CEP104: variants seen among roughly 807,000 people sequenced by gnomAD.
CEP104 encodes the protein centrosomal protein of 104 kDa.
A neutral mutation model predicts 113.3 loss-of-function variants in CEP104; 84 were observed. The ratio of observed to expected loss-of-function variants is 0.74; its 90% CI spans 0.62 to 0.89. The LOEUF (loss-of-function observed/expected upper bound fraction) is 0.89, where lower values mean the gene tolerates loss of function less well. Ranked by LOEUF, CEP104 falls within the 40% of genes least tolerant of loss-of-function variation. The pLI is 0.00. For synonymous variants in CEP104, 378 were observed against 421.7 expected (o/e 0.90, Z 1.27); for missense variants, 1,053 against 1,156.6 (o/e 0.91, Z 1.30).
At chr1:3,844,358 A>G (rs2124685289) in intron 6 of CEP104, among the ~76,000 whole-genome samples, 1 of 152,252 alleles carries the variant, frequency 6.6e-6, no homozygotes. Flanking sequence ...CTGTAATCCC[A>G]TCACTTTGGG....
intron 1 of CEP104, among the ~76,000 whole-genome samples, chr1:3,856,645 C>T (rs763768785): frequency 9.2e-5 from 14 of 152,216 alleles, no homozygotes; most frequent in Non-Finnish European, 1.9e-4. Flanking sequence ...CCGTCCCGGC[C>T]GGGGCAGGCG....
rs139546910 is a variant in CEP104 at position 3,851,375 on chromosome 1, AAAGC to A, written c.113+916_113+919del. On this transcript the variant is annotated intron_variant, in intron 2 of 21. Coordinates refer to ENST00000378230, the MANE Select transcript of CEP104 (RefSeq NM_014704.4). ...TTTTCAGCAACTTGACTTCTGAATAAAAGCAAGACAGAATTATATCACTGAATTT... is the reference window on the plus strand; with the variant it reads ...TTTTCAGCAACTTGACTTCTGAATAAAAGACAGAATTATATCACTGAATTT... 7.5e-3 allele frequency among the ~76,000 whole-genome samples: 1,143 copies of A among 152,284 alleles called. 7 individuals carry two copies. Among genetic ancestry groups the A allele is most frequent in the Non-Finnish European group, 0.012 (844 of 68,024 alleles).
chr1:3,848,679 A>G lies in CEP104; in HGVS notation c.216T>C (p.Ile72=). The part of the protein sequence containing the change: ...LAHQYMISSK[I]EFYISESLPE... ...GCAAGCTTTCACTAATGTAGAACTC[A>G]ATTTTACTTGAAATCATATACTGGT... The change falls in exon 3 of 22, where the codon ATT becomes ATC. Residue 72 remains isoleucine (I), a synonymous_variant. Coordinates refer to ENST00000378230, the MANE Select transcript of CEP104 (RefSeq NM_014704.4). The G allele has an allele frequency of 6.2e-7, 1 of 1,614,042 alleles. No individual in the cohort carries two copies. Among genetic ancestry groups the G allele is most frequent in the Non-Finnish European group, 8.5e-7 (1 of 1,179,962 alleles).
At chr1:3,850,201 T>C (rs181310408) in intron 2 of CEP104, among the ~76,000 whole-genome samples, 1 of 152,310 alleles carries the variant, frequency 6.6e-6, no homozygotes, top group East Asian at 1.9e-4. Flanking sequence ...GACTGTACTT[T>C]AAAAAATCCT....
intron 6 of CEP104, among the ~76,000 whole-genome samples, chr1:3,841,568 G>C (rs1377083504): frequency 1.3e-5 from 2 of 152,174 alleles, no homozygotes; most frequent in African/African-American, 4.8e-5. Context: ...GTGGTACCCA[G>C]TCCCAGCTCC....
At chr1:3,846,291 C>G (rs986190328) in intron 4 of CEP104, among the ~76,000 whole-genome samples, 1 of 152,082 alleles carries the variant, frequency 6.6e-6, no homozygotes, top group African/African-American at 2.4e-5. Context: ...CTTTTCCATC[C>G]TGCACCCCCA....
At chr1:3,855,019 G>A (rs961411787) in intron 1 of CEP104, among the ~76,000 whole-genome samples, 7 of 150,462 alleles carry the variant, frequency 4.7e-5, no homozygotes, top group Non-Finnish European at 8.9e-5. Flanking sequence ...TTACAGGTGC[G>A]CACCACCACA....
chr1:3,846,794 A>C (rs1644516548), intron 4 of CEP104, among the ~76,000 whole-genome samples: 1 of 152,224 alleles, frequency 6.6e-6, no homozygotes. Context: ...TGGAGGGGGC[A>C]GGGAGAGTTG....
chr1:3,829,847 T>C lies in CEP104; in HGVS notation c.1987A>G (p.Thr663Ala). Reference sequence around the variant, plus strand: ...ATTTTAGCAAATCCCTCAAAAATTGTTTTGTAGAGAATGTTCCTGCGTGTG... The same window carrying C: ...ATTTTAGCAAATCCCTCAAAAATTGCTTTGTAGAGAATGTTCCTGCGTGTG... Reference protein sequence around the residue: ...SNTRRNILYKTIFEGFAKIDG... With the variant: ...SNTRRNILYKAIFEGFAKIDG... The change falls in exon 14 of 22, where the codon ACA (threonine) becomes GCA (alanine). Residue 663 changes from threonine to alanine, a missense_variant. Coordinates refer to ENST00000378230, the MANE Select transcript of CEP104 (RefSeq NM_014704.4). The C allele has an allele frequency of 6.2e-7, 1 of 1,614,172 alleles. No individual in the cohort carries two copies. Among genetic ancestry groups the C allele is most frequent in the Non-Finnish European group, 8.5e-7 (1 of 1,180,026 alleles).
chr1:3,850,415 G>T (rs1280642296), intron 2 of CEP104, among the ~76,000 whole-genome samples: 1 of 152,092 alleles, frequency 6.6e-6, no homozygotes, highest in Non-Finnish European at 1.5e-5. Flanking sequence ...GATGCCCAGG[G>T]GCTACGGTTG....
At position 3,837,329 on chromosome 1, in the gene CEP104, G is replaced by C. The variant is rs369557437; in HGVS notation, c.1082C>G (p.Pro361Arg). The change falls in exon 9 of 22, where the codon CCG becomes CGG. Residue 361 changes from proline (P) to arginine (R), a missense_variant. Coordinates refer to ENST00000378230, the MANE Select transcript of CEP104 (RefSeq NM_014704.4). Reference protein sequence around the residue: ...TISPQHSAVDPLLPATDPHPK... With the variant: ...TISPQHSAVDRLLPATDPHPK... ...ATGAGGATCTGTGGCAGGGAGTAAC[G>C]GGTCTACTGCAGAATGCTGAGGAGA... The C allele has an allele frequency of 9.3e-6, 15 of 1,613,642 alleles. No homozygotes were observed. In the African/African-American group the frequency reaches 2.0e-4, roughly 22 times the overall value.
At chr1:3,830,885 C>T (rs755591860) in intron 13 of CEP104, among the ~76,000 whole-genome samples, 161 bp downstream of exon 13, 7 of 152,090 alleles carry the variant, frequency 4.6e-5, no homozygotes, top group Non-Finnish European at 8.8e-5. Context: ...GACAGCAGGA[C>T]GCATGTGGGG....
chr1:3,818,121 T>C (rs371010173), intron 20 of CEP104, among the ~76,000 whole-genome samples: 3 of 152,206 alleles, frequency 2.0e-5, no homozygotes, highest in East Asian at 3.9e-4. Flanking sequence ...TGATGGGCTG[T>C]GCTCTGGGGC....
chr1:3,847,583 T>C lies in CEP104; in HGVS notation c.318A>G (p.Thr106=). The C allele has an allele frequency of 6.2e-7, 1 of 1,614,088 alleles. No individual in the cohort carries two copies. Among genetic ancestry groups the C allele is most frequent in the East Asian group, 2.2e-5 (1 of 44,888 alleles). ...ATTTTAGTTCCCGGGCTTTGCAACCTGTCTTTTCATTATCACAGAGAGACA... is the reference window on the plus strand; with the variant it reads ...ATTTTAGTTCCCGGGCTTTGCAACCCGTCTTTTCATTATCACAGAGAGACA... The part of the protein sequence containing the change: ...GYVSLCDNEK[T]GCKARELKSV... The change falls in exon 4 of 22, where the codon ACA becomes ACG. Residue 106 remains threonine, a synonymous_variant. Transcript: ENST00000378230.
chr1:3,825,786 A>G lies in CEP104; in HGVS notation c.2336T>C (p.Met779Thr), dbSNP rs1397823320. Residue 779 changes from methionine to threonine, a missense_variant, in exon 18 of 22, where the codon ATG becomes ACG. Physicochemically the swap from Met to Thr is moderately conservative, Grantham distance 81. Coordinates refer to ENST00000378230, the MANE Select transcript of CEP104 (RefSeq NM_014704.4). ...LDLHYWKHCLMLTRCDHCKQV... is the reference protein window; with the variant it reads ...LDLHYWKHCLTLTRCDHCKQV... Reference sequence around the variant, plus strand: ...TTTGCAGTGGTCACATCTTGTCAGCATGAGACAGTGCTTCCAGTAGTGGAG... The same window carrying G: ...TTTGCAGTGGTCACATCTTGTCAGCGTGAGACAGTGCTTCCAGTAGTGGAG... 1.2e-6 allele frequency: 2 copies of G among 1,613,778 alleles called. No individual in the cohort carries two copies. The highest frequency in any genetic ancestry group is 2.7e-5 in the African/African-American group (2 of 74,934).
Position 3,813,927 on chromosome 1 carries a change from TCA to T in CEP104, c.*1473_*1474del, listed in dbSNP as rs1188999211. 1.3e-5 allele frequency: 2 copies of T among 152,162 alleles called. No homozygotes were observed. Among genetic ancestry groups the T allele is most frequent in the African/African-American group, 4.8e-5 (2 of 41,430 alleles). 9.4% of individuals were successfully genotyped at this position (152,162 alleles called of 1,614,324 possible). On this transcript the variant is annotated 3_prime_UTR_variant, in exon 22 of 22. Coordinates refer to ENST00000378230, the MANE Select transcript of CEP104 (RefSeq NM_014704.4). Reference sequence around the variant, plus strand: ...AGGTCTTATATCTTACTCAGTATTCTCAGTCAACCAGAGGTATTAGTTTACCA... The same window carrying T: ...AGGTCTTATATCTTACTCAGTATTCTGTCAACCAGAGGTATTAGTTTACCA...
Position 3,844,926 on chromosome 1 carries a change from G to C in CEP104, c.547C>G (p.Leu183Val), listed in dbSNP as rs565284471. 12 of 1,613,966 alleles carry C rather than the reference G, an allele frequency of 7.4e-6. No homozygotes were observed. The highest frequency in any genetic ancestry group is 1.0e-5 in the Non-Finnish European group (12 of 1,179,990). Residue 183 changes from leucine to valine, a missense_variant, in exon 6 of 22, where the codon CTA becomes GTA. Coordinates refer to ENST00000378230, the MANE Select transcript of CEP104 (RefSeq NM_014704.4). ...YLGHNSEDPA[L>V]EGTYARKSDY... ...TCTTACCTGGCGTACGTTCCTTCTA[G>C]AGCAGGGTCCTCGCTGTTGTGCCCA...
rs143455289 is a variant in CEP104, at chr1:3,823,294, C to T, written c.2504-53G>A. The stretch of plus-strand genomic sequence containing the variant: ...GCTCCCTGAATGACAGGCGACAAGA[C>T]ATGCTGCTGGCCTGCCCGCAGGTGC... On this transcript the variant is annotated intron_variant, in intron 19 of 21. Coordinates refer to ENST00000378230, the MANE Select transcript of CEP104 (RefSeq NM_014704.4). The surrounding 1 kb of genome is among the most constrained non-coding windows in gnomAD (Gnocchi z 4.1). 1.9e-6 allele frequency: 3 copies of T among 1,610,774 alleles called. No homozygotes were observed. The highest frequency in any genetic ancestry group is 1.3e-5 in the African/African-American group (1 of 75,004).
At position 3,823,054 on chromosome 1, in the gene CEP104, G is replaced by T; in HGVS notation, c.2571+120C>A. 1 of 883,704 alleles carries T rather than the reference G, an allele frequency of 1.1e-6. No individual in the cohort carries two copies. The highest frequency in any genetic ancestry group is 1.8e-6 in the Non-Finnish European group (1 of 547,954). The allele number at this position is 883,704 out of a possible 1,614,324, so 54.7% of individuals were successfully genotyped here. On this transcript the variant is annotated intron_variant, in intron 20 of 21. Transcript: ENST00000378230. This position sits in a 1 kb window ranked among gnomAD's most constrained non-coding sequence, Gnocchi z 4.1. ...GCTCACTAGACGCTGTCCCCTCCCT[G>T]AACACTCATGTACTGTACTCTGTGG...
Sources: allele counts gnomAD v4.1 joint callset (sites outside exome capture counted in the v4.1 genomes callset), GRCh38; gene constraint gnomAD v4.1.1; non-coding constraint Gnocchi (gnomAD v3.1); transcripts MANE v1.5; gene names NCBI Gene and HGNC (gene_info 2026-07-23, HGNC 2026-07-21).